Variants in MALRD1 observed in about 807,000 individuals in gnomAD.
MALRD1 encodes the protein MAM and LDL receptor class A domain containing 1.
Under a neutral mutation model 242.1 loss-of-function variants are expected in MALRD1, and 247 were observed. The observed-to-expected ratio is 1.02, with a 90% CI of 0.92 to 1.13. The LOEUF (loss-of-function observed/expected upper bound fraction) is 1.13. MALRD1 is among the 50% of genes most tolerant of loss of function. MALRD1 has a pLI of 0.00. For missense variants in MALRD1, 2,989 were observed against 2,533.1 expected, an observed-to-expected ratio of 1.18 and a Z score of -3.86; for synonymous variants, 995 against 866.6, an observed-to-expected ratio of 1.15 and a Z score of -2.60.
intron 36 of MALRD1, among the ~76,000 whole-genome samples, chr10:19,650,816 G>T (rs1840845355): frequency 6.6e-6 from 1 of 152,160 alleles, no homozygotes; most frequent in Admixed American, 6.5e-5. Context: ...GGCTCTCCGA[G>T]CTGCCTCCTT....
intron 26 of MALRD1, among the ~76,000 whole-genome samples, chr10:19,371,347 TTATGTAG>T (rs1398985147): frequency 6.6e-6 from 1 of 152,194 alleles, no homozygotes; most frequent in Admixed American, 6.5e-5. Context: ...TGTACATTTT[TTATGTAG>T]TATCCTTTAT....
chr10:19,389,630 G>C (rs1396100954), intron 28 of MALRD1, 21 bp downstream of exon 28: 1 of 1,543,904 alleles, frequency 6.5e-7, no homozygotes, highest in Non-Finnish European at 8.7e-7. Flanking sequence ...GGCCTGTGAT[G>C]CCTCTGAGCT....
chr10:19,350,907 G>A (rs1844345828), intron 25 of MALRD1, among the ~76,000 whole-genome samples: 1 of 152,132 alleles, frequency 6.6e-6, no homozygotes, highest in Non-Finnish European at 1.5e-5. Context: ...ATGAGTCATG[G>A]TACCCAAGTT....
intron 29 of MALRD1, among the ~76,000 whole-genome samples, chr10:19,458,089 C>T (rs571972279): frequency 1.3e-5 from 2 of 152,024 alleles, no homozygotes; most frequent in South Asian, 2.1e-4. Flanking sequence ...ACCTTTTGTA[C>T]CTAGAGCTAA....
At chr10:19,111,825 G>A (rs1177654289) in intron 5 of MALRD1, among the ~76,000 whole-genome samples, 5 of 152,160 alleles carry the variant, frequency 3.3e-5, no homozygotes, top group Admixed American at 1.3e-4. Context: ...AGTAAAATAA[G>A]GATTGAGGGC....
At chr10:19,237,712 A>T (rs61598919) in intron 18 of MALRD1, among the ~76,000 whole-genome samples, 1 of 78,110 alleles carries the variant, frequency 1.3e-5, no homozygotes, top group Non-Finnish European at 2.5e-5. Flanking sequence ...TTATATATAT[A>T]TTTATATATA....
intron 14 of MALRD1, among the ~76,000 whole-genome samples, chr10:19,179,721 A>G (rs1835416373): frequency 6.6e-6 from 1 of 152,168 alleles, no homozygotes; most frequent in African/African-American, 2.4e-5. Flanking sequence ...TAATATTCTT[A>G]TTATCGTAAG....
At chr10:19,519,312 A>G (rs1185609489) in intron 31 of MALRD1, among the ~76,000 whole-genome samples, 1 of 151,974 alleles carries the variant, frequency 6.6e-6, no homozygotes, top group African/African-American at 2.4e-5. Flanking sequence ...CTTTTCTCCT[A>G]TTATGCCACC....
chr10:19,677,974 G>T (rs1373639442), intron 36 of MALRD1, among the ~76,000 whole-genome samples: 1 of 152,086 alleles, frequency 6.6e-6, no homozygotes, highest in Non-Finnish European at 1.5e-5. Context: ...AGATCAATTG[G>T]TTGTAGATCT....
At chr10:19,669,979 G>A (rs906589772) in intron 36 of MALRD1, among the ~76,000 whole-genome samples, 2 of 151,992 alleles carry the variant, frequency 1.3e-5, no homozygotes, top group African/African-American at 4.8e-5. Flanking sequence ...CGTCATCAGA[G>A]CTCAAGACTT....
In MALRD1 at chr10:19,101,121, A is replaced by G. The variant is rs1225611879; in HGVS notation, c.598-2858A>G. On this transcript the variant is annotated intron_variant, in intron 4 of 39. Coordinates refer to ENST00000454679, the MANE Select transcript of MALRD1 (RefSeq NM_001142308.3). ...CTCATTTTTCCTTATCATGTAAGCT[A>G]TCATTTTATCATTACATTGTACAAA... Among the ~76,000 whole-genome samples, 3 of 151,488 alleles carry G rather than the reference A, an allele frequency of 2.0e-5. 1 individual carries two copies. The highest frequency in any genetic ancestry group is 2.9e-5 in the Non-Finnish European group (2 of 67,854).
chr10:19,421,905 T>C (rs1179815177), intron 28 of MALRD1, among the ~76,000 whole-genome samples: 1 of 152,208 alleles, frequency 6.6e-6, no homozygotes, highest in African/African-American at 2.4e-5. Context: ...TGAGTGTGTT[T>C]GTGCCAAGAA....
At chr10:19,567,846 A>C (rs1836326313) in intron 33 of MALRD1, 143 bp downstream of exon 33, 1 of 718,360 alleles carries the variant, frequency 1.4e-6, no homozygotes, top group South Asian at 2.0e-5. Context: ...TATACTAAGA[A>C]GTAAAGTTTC....
At position 19,094,422 on chromosome 10, in the gene MALRD1, G is replaced by A. The variant is rs556906453; in HGVS notation, c.597+6237G>A. Among the ~76,000 whole-genome samples, 18 of 146,594 alleles carry A rather than the reference G, an allele frequency of 1.2e-4. No individual in the cohort carries two copies. The South Asian group carries it at 2.0e-3, about 16-fold the overall frequency. Reference sequence around the variant, plus strand: ...CTCCCTGACCCCTTGCGCTTCCCAGGTGAGGCAATGCCTCGCCCTGCTTCG... The same window carrying A: ...CTCCCTGACCCCTTGCGCTTCCCAGATGAGGCAATGCCTCGCCCTGCTTCG... On this transcript the variant is annotated intron_variant, in intron 4 of 39. Transcript: ENST00000454679.
chr10:19,443,678 C>T (rs534871978), intron 28 of MALRD1, among the ~76,000 whole-genome samples: 219 of 152,282 alleles, frequency 1.4e-3, no homozygotes, highest in Middle Eastern at 3.4e-3. Flanking sequence ...GCACTGTGGT[C>T]TGTGAGACAG....
intron 38 of MALRD1, among the ~76,000 whole-genome samples, chr10:19,719,734 T>C (rs1834653618): frequency 1.3e-5 from 2 of 152,192 alleles, no homozygotes; most frequent in African/African-American, 4.8e-5. Context: ...GTTTGTTCCT[T>C]AAGGACTTGA....
In MALRD1 at chr10:19,248,273, G is replaced by A. The variant is rs954738390; in HGVS notation, c.2992-9411G>A. On this transcript the variant is annotated intron_variant, in intron 18 of 39. Coordinates refer to ENST00000454679, the MANE Select transcript of MALRD1 (RefSeq NM_001142308.3). Reference sequence around the variant, plus strand: ...AAGCAGGTATTATTTTCACTAAAATGAGATTTTAAAATCTAAATTGAAAAA... The same window carrying A: ...AAGCAGGTATTATTTTCACTAAAATAAGATTTTAAAATCTAAATTGAAAAA... Among the ~76,000 whole-genome samples the A allele has an allele frequency of 2.0e-5, 3 of 151,748 alleles. No homozygotes were observed. In the East Asian group the frequency reaches 5.8e-4, roughly 29 times the overall value.
intron 36 of MALRD1, among the ~76,000 whole-genome samples, chr10:19,616,782 C>T (rs1376005819): frequency 6.6e-6 from 1 of 151,876 alleles, no homozygotes; most frequent in Non-Finnish European, 1.5e-5. Flanking sequence ...CCAATTAAAA[C>T]AATAACAAAA....
At chr10:19,172,673 TC>T (rs1835064279) in intron 13 of MALRD1, among the ~76,000 whole-genome samples, 3 of 151,586 alleles carry the variant, frequency 2.0e-5, no homozygotes, top group African/African-American at 4.8e-5. Context: ...TCGTTTTTTT[TC>T]CTCCAGTTTT....
Sources: allele counts gnomAD v4.1 joint callset (sites outside exome capture counted in the v4.1 genomes callset), GRCh38; gene constraint gnomAD v4.1.1; transcripts MANE v1.5; gene names NCBI Gene and HGNC (gene_info 2026-07-23, HGNC 2026-07-21).